MEMO1: variants seen among roughly 807,000 people sequenced by gnomAD.
The protein encoded by MEMO1 is mediator of cell motility 1.
Under a neutral mutation model 45.2 loss-of-function variants are expected in MEMO1, and 6 were observed. The ratio of observed to expected loss-of-function variants is 0.13; its 90% CI spans 0.07 to 0.26. The LOEUF is 0.26. MEMO1 is among the 10% of genes least tolerant of loss of function. MEMO1 has a pLI of 1.00. For missense variants in MEMO1, 184 were observed against 370.5 expected (o/e 0.50, Z 4.13); for synonymous variants, 78 against 124.3 (o/e 0.63, Z 2.48).
At chr2:31,869,289 C>G (rs1422789676) in intron 9 of MEMO1, among the ~76,000 whole-genome samples, 1 of 151,988 alleles carries the variant, frequency 6.6e-6, no homozygotes, top group Non-Finnish European at 1.5e-5. Flanking sequence ...TATTTTCATT[C>G]AAGAAATTAA....
intron 2 of MEMO1, among the ~76,000 whole-genome samples, chr2:31,967,496 T>G (rs955119459): frequency 2.6e-5 from 4 of 152,124 alleles, no homozygotes; most frequent in African/African-American, 9.7e-5. Context: ...TCACCTGGCC[T>G]GGAGTGCAGT....
intron 3 of MEMO1, among the ~76,000 whole-genome samples, chr2:31,939,691 C>A (rs1269836032): frequency 6.6e-6 from 1 of 152,110 alleles, no homozygotes; most frequent in Non-Finnish European, 1.5e-5. Flanking sequence ...AATCAAGGAT[C>A]CCTCTTAGGT....
At chr2:32,003,828 G>A (rs1278051533) in intron 2 of MEMO1, among the ~76,000 whole-genome samples, 1 of 152,138 alleles carries the variant, frequency 6.6e-6, no homozygotes, top group Non-Finnish European at 1.5e-5. Context: ...AAGGCAGGAG[G>A]ACTGCTTGAG....
At chr2:31,906,707 A>C (rs867144800) in intron 6 of MEMO1, among the ~76,000 whole-genome samples, 9 of 152,172 alleles carry the variant, frequency 5.9e-5, no homozygotes, top group Admixed American at 2.0e-4. Flanking sequence ...TCACAGAATA[A>C]AATACAAGTA....
intron 2 of MEMO1, among the ~76,000 whole-genome samples, chr2:31,959,634 G>A (rs2148402163): frequency 6.6e-6 from 1 of 152,178 alleles, no homozygotes; most frequent in African/African-American, 2.4e-5. Context: ...ACAAGAAAAT[G>A]GAGAAAGCAA....
chr2:31,874,051 T>A (rs577369512), intron 8 of MEMO1, among the ~76,000 whole-genome samples: 1 of 152,108 alleles, frequency 6.6e-6, no homozygotes, highest in African/African-American at 2.4e-5. Context: ...ACATTCAAAT[T>A]AAGTGAAGTA....
intron 2 of MEMO1, among the ~76,000 whole-genome samples, chr2:32,004,575 G>A (rs1239798696): frequency 6.6e-6 from 1 of 152,188 alleles, no homozygotes; most frequent in African/African-American, 2.4e-5. Flanking sequence ...CACTGCTGGT[G>A]GGAGTGTAAA....
intron 2 of MEMO1, among the ~76,000 whole-genome samples, chr2:31,963,936 T>C (rs1000320726): frequency 2.0e-5 from 3 of 152,214 alleles, no homozygotes; most frequent in Non-Finnish European, 4.4e-5. Context: ...GCAATATACT[T>C]CATTAATTTC....
intron 6 of MEMO1, among the ~76,000 whole-genome samples, chr2:31,915,744 A>G (rs1203087377): frequency 6.6e-6 from 1 of 152,196 alleles, no homozygotes; most frequent in Non-Finnish European, 1.5e-5. Flanking sequence ...CTGTAGCCCC[A>G]TTTGAGCCAC....
intron 3 of MEMO1, among the ~76,000 whole-genome samples, chr2:31,941,036 A>G (rs1205032270): frequency 6.6e-6 from 1 of 152,192 alleles, no homozygotes; most frequent in Non-Finnish European, 1.5e-5. Context: ...TACAGCAGCA[A>G]GAGTAATTCT....
At chr2:31,935,512 T>C (rs1489534233) in intron 3 of MEMO1, among the ~76,000 whole-genome samples, 1 of 151,974 alleles carries the variant, frequency 6.6e-6, no homozygotes, top group Non-Finnish European at 1.5e-5. Context: ...GAGTCTTAAG[T>C]TGAAAAGGTC....
At chr2:31,969,657 C>T (rs1050679077) in intron 2 of MEMO1, among the ~76,000 whole-genome samples, 1 of 148,350 alleles carries the variant, frequency 6.7e-6, no homozygotes, top group East Asian at 2.0e-4. Context: ...CTCTCTGTTG[C>T]CCAGGCTGGA....
intron 2 of MEMO1, among the ~76,000 whole-genome samples, chr2:31,951,329 T>C (rs945329772): frequency 6.6e-6 from 1 of 152,120 alleles, no homozygotes; most frequent in African/African-American, 2.4e-5. Flanking sequence ...TGGGAAAACA[T>C]ACATATTAAA....
At chr2:31,954,924 C>A (rs997969830) in intron 2 of MEMO1, among the ~76,000 whole-genome samples, 1 of 151,644 alleles carries the variant, frequency 6.6e-6, no homozygotes, top group African/African-American at 2.4e-5. Flanking sequence ...TTTTAACAAC[C>A]TCTGCAGGAA....
chr2:31,888,082 A>T (rs1352232158), intron 7 of MEMO1, among the ~76,000 whole-genome samples: 2 of 152,164 alleles, frequency 1.3e-5, no homozygotes, highest in Non-Finnish European at 2.9e-5. Context: ...TATTTAAAAA[A>T]ATATATGTCA....
chr2:31,905,704 T>C (rs1021970937), intron 6 of MEMO1, among the ~76,000 whole-genome samples: 1 of 152,204 alleles, frequency 6.6e-6, no homozygotes, highest in Non-Finnish European at 1.5e-5. Flanking sequence ...ATGGCAATAT[T>C]ATAAGGCCTT....
chr2:31,993,260 A>G (rs996495567), intron 2 of MEMO1, among the ~76,000 whole-genome samples: 1 of 152,248 alleles, frequency 6.6e-6, no homozygotes, highest in African/African-American at 2.4e-5. Context: ...CATGAATTAT[A>G]TTTCCACTCA....
intron 2 of MEMO1, among the ~76,000 whole-genome samples, chr2:32,003,237 G>T (rs908696680): frequency 6.6e-6 from 1 of 151,856 alleles, no homozygotes; most frequent in African/African-American, 2.4e-5. Flanking sequence ...TTTATCAATT[G>T]TTTAGAAACA....
chr2:31,891,580 A>G (rs923973233), intron 7 of MEMO1, among the ~76,000 whole-genome samples: 2 of 152,098 alleles, frequency 1.3e-5, no homozygotes, highest in African/African-American at 4.8e-5. Context: ...GACTAATTAC[A>G]AAAAAGGAAA....
Sources: gnomAD v4.1 joint callset for allele counts (sites outside exome capture counted in the v4.1 genomes callset) on GRCh38, gnomAD v4.1.1 for gene constraint, MANE v1.5 for transcripts, NCBI Gene and HGNC (gene_info 2026-07-23, HGNC 2026-07-21) for gene names.